The following PIAS4 variants were observed in gnomAD, a reference collection of about 807,000 sequenced individuals.
The protein encoded by PIAS4 is E3 SUMO-protein ligase PIAS4.
In PIAS4, 7 loss-of-function variants were observed where a neutral mutation model predicts 58.0. The observed-to-expected ratio is 0.12, with a 90% CI of 0.07 to 0.23. PIAS4 has a LOEUF of 0.23. PIAS4 is among the 10% of genes least tolerant of loss of function. PIAS4 has a pLI of 1.00. For missense variants in PIAS4, 550 were observed against 709.5 expected (o/e 0.78, Z 2.55); for synonymous variants, 364 against 312.4 (o/e 1.17, Z -1.74).
Position 4,038,240 on chromosome 19 carries a change from G to T in PIAS4, c.*365G>T, listed in dbSNP as rs887187371. 28 of 235,242 alleles carry T rather than the reference G, an allele frequency of 1.2e-4. No individual in the cohort carries two copies. Among genetic ancestry groups the T allele is most frequent in the Non-Finnish European group, 7.4e-5 (9 of 122,062 alleles). The allele number at this position is 235,242 out of a possible 1,614,324, so 14.6% of individuals were successfully genotyped here. ...CTCCCCTCCGGATGCCCCGCCGCCC[G>T]CCGCCCTCTGCCCACGACCATTCCA... is the stretch of plus-strand genomic sequence containing the variant. On this transcript the variant is annotated 3_prime_UTR_variant, in exon 11 of 11. Transcript: ENST00000262971. The surrounding 1 kb of genome is among the most constrained non-coding windows in gnomAD (Gnocchi z 4.1).
At chr19:4,009,460 G>A (rs2039973068) in intron 1 of PIAS4, among the ~76,000 whole-genome samples, 1 of 152,022 alleles carries the variant, frequency 6.6e-6, no homozygotes, top group African/African-American at 2.4e-5. Flanking sequence ...TGTGACCCTG[G>A]ACCCCAACCC....
chr19:4,015,349 A>C (rs1023500604), intron 2 of PIAS4, among the ~76,000 whole-genome samples: 1 of 152,026 alleles, frequency 6.6e-6, no homozygotes, highest in Non-Finnish European at 1.5e-5. Context: ...CCCACAATAC[A>C]TCGCTGTGCC....
At chr19:4,018,842 G>A (rs746261757) in intron 2 of PIAS4, 1 of 152,316 alleles carries the variant, frequency 6.6e-6, no homozygotes, top group Non-Finnish European at 1.5e-5. Flanking sequence ...AGGGCCATGA[G>A]GCTGGTCGGG....
rs564847831 is a variant in PIAS4, at chr19:4,013,740, C to T, written c.454+391C>T. ...TGGTGGCTGGCAGGCCTCAGCTCCT[C>T]GCCAGCTCTTGGCCACAGTCCCCAG... On this transcript the variant is annotated intron_variant, in intron 2 of 10. Coordinates refer to ENST00000262971, the MANE Select transcript of PIAS4 (RefSeq NM_015897.4). This position sits in a 1 kb window ranked among gnomAD's most constrained non-coding sequence, Gnocchi z 5.1. Among the ~76,000 whole-genome samples the T allele has an allele frequency of 1.2e-3, 178 of 152,286 alleles. 2 individuals carry two copies. In the South Asian group the frequency reaches 0.034, roughly 29 times the overall value.
At chr19:4,012,256 T>C (rs1432782335) in intron 1 of PIAS4, among the ~76,000 whole-genome samples, 1 of 151,968 alleles carries the variant, frequency 6.6e-6, no homozygotes, top group Non-Finnish European at 1.5e-5. Context: ...GAACCGCCCC[T>C]GGCTTCAGAG....
At chr19:4,032,143 T>G (rs1011069019) in intron 7 of PIAS4, among the ~76,000 whole-genome samples, 7 of 151,864 alleles carry the variant, frequency 4.6e-5, no homozygotes, top group African/African-American at 1.2e-4. Flanking sequence ...ATAAGTGGTG[T>G]TTCAGGCCAA....
rs371143476 is a variant in PIAS4, at chr19:4,033,225, C to A, written c.981+52C>A. On this transcript the variant is annotated intron_variant, in intron 8 of 10. Transcript: ENST00000262971. ...GAGGCCTCTCCTGCGGCCGGCCTTCCCCCCTGGCGGCCCTGGGCCCGGGGC... is the reference window on the plus strand; with the variant it reads ...GAGGCCTCTCCTGCGGCCGGCCTTCACCCCTGGCGGCCCTGGGCCCGGGGC... 7 of 1,552,026 alleles carry A rather than the reference C, an allele frequency of 4.5e-6. No individual in the cohort carries two copies. The African/African-American group carries it at 6.8e-5, about 15-fold the overall frequency.
chr19:4,009,216 C>G, intron 1 of PIAS4, among the ~76,000 whole-genome samples: 1 of 152,082 alleles, frequency 6.6e-6, no homozygotes, highest in East Asian at 1.9e-4. Flanking sequence ...TCTCACATTA[C>G]CCCCTGGGAT....
intron 7 of PIAS4, 73 bp downstream of exon 7, chr19:4,029,109 CG>C: frequency 2.7e-6 from 3 of 1,101,856 alleles, no homozygotes; most frequent in Non-Finnish European, 4.0e-6. Flanking sequence ...CTGGGTGAAG[CG>C]GGGGGCCCTG....
chr19:4,014,955 TCCTGCGGCAGC>T (rs1215094035), intron 2 of PIAS4, among the ~76,000 whole-genome samples: 6 of 152,080 alleles, frequency 3.9e-5, no homozygotes. Flanking sequence ...TGTCGGTGGT[TCCTGCGGCAGC>T]CGAGGCTCCT....
chr19:4,032,462 G>A (rs368006190), intron 7 of PIAS4, among the ~76,000 whole-genome samples: 7 of 152,348 alleles, frequency 4.6e-5, no homozygotes, highest in East Asian at 3.9e-4. Context: ...GGGTCCCTGC[G>A]TGAGTTTCCT....
chr19:4,010,960 C>G (rs1296423567), intron 1 of PIAS4, among the ~76,000 whole-genome samples: 1 of 152,242 alleles, frequency 6.6e-6, no homozygotes, highest in East Asian at 1.9e-4. Flanking sequence ...GGACCCTGGC[C>G]CGATACAGCT....
At chr19:4,020,829 G>A (rs1301236531) in intron 2 of PIAS4, among the ~76,000 whole-genome samples, 1 of 152,318 alleles carries the variant, frequency 6.6e-6, no homozygotes, top group East Asian at 1.9e-4. Context: ...TCCAACTCCT[G>A]TGCTACAGCG....
chr19:4,035,145 CAGAG>C (rs901945421), intron 9 of PIAS4, among the ~76,000 whole-genome samples: 3 of 152,150 alleles, frequency 2.0e-5, no homozygotes, highest in African/African-American at 7.2e-5. Flanking sequence ...AGCATCGCCT[CAGAG>C]AGAGCTCGGC....
intron 9 of PIAS4, among the ~76,000 whole-genome samples, chr19:4,034,667 G>A (rs979637415): frequency 3.9e-5 from 6 of 152,226 alleles, no homozygotes; most frequent in Non-Finnish European, 8.8e-5. Flanking sequence ...CCGGGTGCCC[G>A]CCTTCCCCCA....
At position 4,013,481 on chromosome 19, in the gene PIAS4, CA is replaced by C. The variant is rs1031124066; in HGVS notation, c.454+133del. ...AGCCAGGGCGGGGAGCCACAGTGGCCAGGGGTGTCCTTCCTCGGAAGCAAAG... is the reference window on the plus strand; with the variant it reads ...AGCCAGGGCGGGGAGCCACAGTGGCCGGGGTGTCCTTCCTCGGAAGCAAAG... On this transcript the variant is annotated intron_variant, in intron 2 of 10. Transcript: ENST00000262971. The surrounding 1 kb of genome is among the most constrained non-coding windows in gnomAD (Gnocchi z 5.1). 3.1e-5 allele frequency: 23 copies of C among 736,840 alleles called. No homozygotes were observed. In the African/African-American group the frequency reaches 3.2e-4, roughly 10 times the overall value. 45.6% of individuals were successfully genotyped at this position (736,840 alleles called of 1,614,324 possible).
At chr19:4,008,607 G>A (rs1034989561) in intron 1 of PIAS4, among the ~76,000 whole-genome samples, 2 of 151,974 alleles carry the variant, frequency 1.3e-5, no homozygotes, top group Admixed American at 6.6e-5. Context: ...CTTAAATCCT[G>A]GACTGTGCTT....
Position 4,033,524 on chromosome 19 carries a change from C to A in PIAS4, c.1086C>A (p.Thr362=). Residue 362 remains threonine, a synonymous_variant, in exon 9 of 11, where the codon ACC becomes ACA. Transcript: ENST00000262971. ...FYLQMNEKKP[T]WMCPVCDKPA... ...TGCAGATGAACGAGAAGAAGCCCAC[C>A]TGGATGTGCCCCGTGTGCGACAAGC... The A allele has an allele frequency of 6.2e-7, 1 of 1,607,338 alleles. No homozygotes were observed. Among genetic ancestry groups the A allele is most frequent in the African/African-American group, 1.3e-5 (1 of 74,994 alleles).
intron 9 of PIAS4, among the ~76,000 whole-genome samples, chr19:4,034,118 T>C (rs2040252327): frequency 6.6e-6 from 1 of 152,186 alleles, no homozygotes. Context: ...AGGGCTTAAG[T>C]TTCCAGAAAC....
Sources: gnomAD v4.1 joint callset for allele counts (sites outside exome capture counted in the v4.1 genomes callset) on GRCh38, gnomAD v4.1.1 for gene constraint, Gnocchi (gnomAD v3.1) non-coding constraint, MANE v1.5 for transcripts, NCBI Gene and HGNC (gene_info 2026-07-23, HGNC 2026-07-21) for gene names.